The following TMC3 variants were observed in gnomAD, a reference collection of about 807,000 sequenced individuals.
TMC3 encodes transmembrane channel like 3.
In TMC3, 98 loss-of-function variants were observed where a neutral mutation model predicts 110.6. The observed-to-expected ratio is 0.89, with a 90% CI of 0.75 to 1.05. The LOEUF (loss-of-function observed/expected upper bound fraction) is 1.05, where lower values mean the gene tolerates loss of function less well. Among genes scored for constraint, TMC3 ranks in the 50% least tolerant of loss-of-function variants. TMC3 has a pLI of 0.00. For missense variants in TMC3, 1,319 were observed against 1,373.2 expected (o/e 0.96, Z 0.62); for synonymous variants, 489 against 513.1 (o/e 0.95, Z 0.63).
chr15:81,341,423 T>C lies in TMC3; in HGVS notation c.1811A>G (p.Asn604Ser), dbSNP rs759668741. The change falls in exon 16 of 22, where the codon AAT (asparagine) becomes AGT (serine). Residue 604 changes from asparagine to serine, a missense_variant. Asn to Ser is a conservative substitution (Grantham distance 46). Coordinates refer to ENST00000359440, the MANE Select transcript of TMC3 (RefSeq NM_001080532.3). ...YLRSWAVLTC[N>S]VPHQQVFRAS... ...TCGAAATACTTGCTGGTGGGGCACA[T>C]TGCAGGTCAGCACAGCCCAGCTTCT... 2.5e-6 allele frequency: 4 copies of C among 1,611,920 alleles called. No individual in the cohort carries two copies. The African/African-American group carries it at 5.3e-5, about 22-fold the overall frequency.
intron 18 of TMC3, 122 bp downstream of exon 18, chr15:81,338,533 G>T: frequency 1.5e-6 from 2 of 1,322,912 alleles, no homozygotes; most frequent in Non-Finnish European, 2.1e-6. Flanking sequence ...GAGATCATCA[G>T]GCTCTAAGCC....
At position 81,359,361 on chromosome 15, in the gene TMC3, T is replaced by A; in HGVS notation, c.501+4A>T. 6.3e-7 allele frequency: 1 copy of A among 1,589,700 alleles called. No individual in the cohort carries two copies. Among genetic ancestry groups the A allele is most frequent in the South Asian group, 1.2e-5 (1 of 86,222 alleles). ...ATGAGTGGTACTTTCCTGAAACATC[T>A]TACCTCTGGAATGACAATAAAAGCA... On this transcript the variant is annotated splice_donor_region_variant and intron_variant, in intron 5 of 21. Transcript: ENST00000359440.
In TMC3 at chr15:81,344,025, G is replaced by A. The variant is rs934337804; in HGVS notation, c.1539C>T (p.Ile513=). The A allele has an allele frequency of 3.1e-6, 5 of 1,611,138 alleles. No individual in the cohort carries two copies. The African/African-American group carries it at 6.7e-5, about 22-fold the overall frequency. Residue 513 remains isoleucine (I), a synonymous_variant, in exon 14 of 22, where the codon ATC becomes ATT. Transcript: ENST00000359440. The part of the protein sequence containing the change: ...YVGQEMLKLS[I]IDMLFTVASI... ...TCGCCACGGTGAAGAGCATGTCAATGATGGAGAGCTTCAGCATCTCCTGAA... is the reference window on the plus strand; with the variant it reads ...TCGCCACGGTGAAGAGCATGTCAATAATGGAGAGCTTCAGCATCTCCTGAA...
At chr15:81,359,232 A>T (rs551205024) in intron 5 of TMC3, 133 bp downstream of exon 5, 1 of 674,178 alleles carries the variant, frequency 1.5e-6, no homozygotes, top group African/African-American at 1.9e-5. Context: ...CTTTACAGAA[A>T]AAGTTTGCCA....
intron 9 of TMC3, among the ~76,000 whole-genome samples, chr15:81,354,769 T>C (rs1250595585): frequency 2.6e-5 from 4 of 151,860 alleles, no homozygotes. Flanking sequence ...CCTCTACACA[T>C]GTTTTGGCCC....
At position 81,334,869 on chromosome 15, in the gene TMC3, G is replaced by A. The variant is rs765270061; in HGVS notation, c.2310C>T (p.Asn770=). ...AHSGTPQNNG[N]VAHFDSGSSK... ...TGCTCCCTGAGTCAAAATGGGCCACGTTGCCGTTGTTTTGGGGTGTGCCCG... is the reference window on the plus strand; with the variant it reads ...TGCTCCCTGAGTCAAAATGGGCCACATTGCCGTTGTTTTGGGGTGTGCCCG... Residue 770 remains asparagine (N), a synonymous_variant, in exon 21 of 22, where the codon AAC becomes AAT. Coordinates refer to ENST00000359440, the MANE Select transcript of TMC3 (RefSeq NM_001080532.3). 1.2e-5 allele frequency: 20 copies of A among 1,614,016 alleles called. No homozygotes were observed. Among genetic ancestry groups the A allele is most frequent in the African/African-American group, 2.7e-5 (2 of 75,044 alleles).
At chr15:81,336,270 T>TA (rs1435525354) in intron 20 of TMC3, among the ~76,000 whole-genome samples, 6 of 151,868 alleles carry the variant, frequency 4.0e-5, no homozygotes, top group Non-Finnish European at 5.9e-5. Context: ...TCTCTGCATT[T>TA]AAAAAAAATA....
intron 3 of TMC3, among the ~76,000 whole-genome samples, chr15:81,363,586 G>A (rs1466316895): frequency 6.6e-6 from 1 of 152,216 alleles, no homozygotes; most frequent in Non-Finnish European, 1.5e-5. Flanking sequence ...TTTATCAGAA[G>A]TTTATCAGAA....
Position 81,351,345 on chromosome 15 carries a change from TCTC to T in TMC3, c.1083+346_1083+348del, listed in dbSNP as rs201421021. 4.1e-3 allele frequency among the ~76,000 whole-genome samples: 517 copies of T among 126,000 alleles called. 7 individuals carry two copies. Among genetic ancestry groups the T allele is most frequent in the African/African-American group, 0.014 (406 of 28,154 alleles). The allele number at this position is 126,000 out of a possible 152,430, so 82.7% of individuals were successfully genotyped here. A position where few individuals can be genotyped will look rare whatever the true frequency, so the allele number is the denominator to read the frequency against. ...GGCTACTTTTCTGTGTCTCTCTCTC[TCTC>T]TTTTTTTTTTTTTTTTTTTTTTGAG... On this transcript the variant is annotated intron_variant, in intron 10 of 21. Coordinates refer to ENST00000359440, the MANE Select transcript of TMC3 (RefSeq NM_001080532.3).
At chr15:81,335,034 A>G (rs1893562081) in intron 20 of TMC3, 59 bp from the exon 21 acceptor site, 1 of 1,579,582 alleles carries the variant, frequency 6.3e-7, no homozygotes, top group African/African-American at 1.3e-5. Context: ...TGACAACTTC[A>G]GATGAGTTGA....
rs201527196 is a variant in TMC3 at position 81,334,973 on chromosome 15, G to A, written c.2206C>T (p.Arg736Ter). 513 of 1,613,124 alleles carry A rather than the reference G, an allele frequency of 3.2e-4. No individual in the cohort carries two copies. The highest frequency in any genetic ancestry group is 4.1e-4 in the Non-Finnish European group (488 of 1,179,250). Residue 736 changes from arginine to a stop codon, truncating the protein, a stop_gained and splice_region_variant, in exon 21 of 22, where the codon CGA becomes TGA. Transcript: ENST00000359440. LOFTEE classifies it high-confidence loss of function. ...KKKVAQMVEA[R>*]IQTQEESTKK... ...GTGCTTTCTTCCTGGGTCTGGATTC[G>A]GGCTGCAGGGAGAGGGAGGTGTTGT...
In TMC3 at chr15:81,358,309, A is replaced by T; in HGVS notation, c.601-18T>A. On this transcript the variant is annotated intron_variant, in intron 6 of 21. Coordinates refer to ENST00000359440, the MANE Select transcript of TMC3 (RefSeq NM_001080532.3). ...AGGTAGCCCTGCAAAGAAAACACTC[A>T]GTGTCATTTCTGCTTCCCGTTCCCA... The T allele has an allele frequency of 6.2e-7, 1 of 1,600,250 alleles. No homozygotes were observed. The highest frequency in any genetic ancestry group is 8.5e-7 in the Non-Finnish European group (1 of 1,171,852).
At chr15:81,358,722 A>T (rs1894120967) in intron 5 of TMC3, among the ~76,000 whole-genome samples, 1 of 152,116 alleles carries the variant, frequency 6.6e-6, no homozygotes, top group South Asian at 2.1e-4. Context: ...TGAGCTAGAC[A>T]TGGTTTCTAC....
intron 3 of TMC3, among the ~76,000 whole-genome samples, chr15:81,363,132 G>A (rs1280777061): frequency 1.3e-5 from 2 of 151,998 alleles, no homozygotes; most frequent in South Asian, 2.1e-4. Context: ...GCGTGCGCCT[G>A]TGGACCCAGC....
At chr15:81,336,497 G>C in intron 20 of TMC3, 112 bp downstream of exon 20, 1 of 963,120 alleles carries the variant, frequency 1.0e-6, no homozygotes, top group Admixed American at 1.8e-5. Context: ...GAACCGGGAA[G>C]GTGGAGGTTG....
At chr15:81,372,819 C>T (rs1012788386) in intron 1 of TMC3, 82 bp from the exon 2 acceptor site, 7 of 1,425,716 alleles carry the variant, frequency 4.9e-6, no homozygotes, top group Admixed American at 1.9e-5. Flanking sequence ...GGCACAAGTT[C>T]AGCATCTCAC....
At chr15:81,355,588 G>T in intron 9 of TMC3, 137 bp downstream of exon 9, 2 of 671,668 alleles carry the variant, frequency 3.0e-6, no homozygotes, top group Admixed American at 6.4e-5. Flanking sequence ...AGTTCCCTCA[G>T]ATCACATTAT....
At chr15:81,338,862 C>A in intron 17 of TMC3, 82 bp from the exon 18 acceptor site, 1 of 1,477,148 alleles carries the variant, frequency 6.8e-7, no homozygotes, top group Non-Finnish European at 9.3e-7. Context: ...TGGCTGGATG[C>A]CTGGAGGCCA....
At chr15:81,340,685 GA>G (rs983062074) in intron 16 of TMC3, among the ~76,000 whole-genome samples, 6 of 152,184 alleles carry the variant, frequency 3.9e-5, no homozygotes, top group African/African-American at 1.4e-4. Flanking sequence ...GTTCATTTTA[GA>G]AAACTTTTTG....
Sources: gnomAD v4.1 joint callset for allele counts (sites outside exome capture counted in the v4.1 genomes callset) on GRCh38, gnomAD v4.1.1 for gene constraint, MANE v1.5 for transcripts, NCBI Gene and HGNC (gene_info 2026-07-23, HGNC 2026-07-21) for gene names.